The following RPGRIP1L variants were observed in gnomAD, a reference collection of about 807,000 sequenced individuals.
The protein encoded by RPGRIP1L is protein fantom.
Under a neutral mutation model 160.4 loss-of-function variants are expected in RPGRIP1L, and 131 were observed. That is an observed-to-expected ratio of 0.82 (90% CI 0.71 to 0.94). RPGRIP1L has a LOEUF of 0.94. Among genes scored for constraint, RPGRIP1L ranks in the 40% least tolerant of loss-of-function variants. The probability of loss-of-function intolerance (pLI) is 0.00; values close to 1 mark genes in which losing one functional copy is unlikely to be tolerated. For synonymous variants in RPGRIP1L, 510 were observed against 515.8 expected (o/e 0.99, Z 0.15); for missense variants, 1,522 against 1,535.8 (o/e 0.99, Z 0.15).
intron 22 of RPGRIP1L, chr16:53,628,211 A>T (rs1394044861): frequency 2.0e-5 from 3 of 152,060 alleles, no homozygotes; most frequent in Non-Finnish European, 1.5e-5. Flanking sequence ...TTTGTAACAA[A>T]ACAACAGAGA....
At chr16:53,613,096 T>G (rs1481485797) in intron 24 of RPGRIP1L, among the ~76,000 whole-genome samples, 1 of 152,208 alleles carries the variant, frequency 6.6e-6, no homozygotes, top group Non-Finnish European at 1.5e-5. Flanking sequence ...TCATTCCTTC[T>G]TAAGGCTGTA....
intron 17 of RPGRIP1L, among the ~76,000 whole-genome samples, chr16:53,643,306 TA>T (rs77427391): frequency 0.013 from 1,405 of 111,354 alleles, 6 homozygotes; most frequent in African/African-American, 0.015. Flanking sequence ...AGACTCCATC[TA>T]AAAAAAAAAA....
rs1424624795 is a variant in RPGRIP1L, at chr16:53,645,689, C to A, written c.2619G>T (p.Glu873Asp). 1 of 1,613,900 alleles carries A rather than the reference C, an allele frequency of 6.2e-7. No individual in the cohort carries two copies. The highest frequency in any genetic ancestry group is 8.5e-7 in the Non-Finnish European group (1 of 1,179,952). The change falls in exon 17 of 27, where the codon GAG becomes GAT. Residue 873 changes from glutamate to aspartate, a missense_variant. Physicochemically the swap from Glu to Asp is conservative, Grantham distance 45. Transcript: ENST00000647211. ...CATTGACTTTTCCTATGTAAATATT[C>A]TCCTGGGTATCACTATCATCAAAAA... ...FYVFDDSDTQ[E>D]NIYIGKVNVP... is the part of the protein sequence containing the mutation.
chr16:53,661,509 A>C (rs1338417897), intron 10 of RPGRIP1L, among the ~76,000 whole-genome samples: 1 of 152,158 alleles, frequency 6.6e-6, no homozygotes, highest in African/African-American at 2.4e-5. Flanking sequence ...TAGGTAACAA[A>C]AAGAAGGCAA....
At chr16:53,653,418 G>T in intron 14 of RPGRIP1L, 1 of 848,824 alleles carries the variant, frequency 1.2e-6, no homozygotes, top group South Asian at 4.7e-5. Context: ...GTGGGGTGAT[G>T]GATAAGTTTA....
chr16:53,677,093 T>C (rs969715193), intron 6 of RPGRIP1L, among the ~76,000 whole-genome samples: 18 of 152,188 alleles, frequency 1.2e-4, no homozygotes, highest in East Asian at 1.9e-4. Flanking sequence ...CCAGTAAGCA[T>C]ATGTCAAAAA....
intron 9 of RPGRIP1L, among the ~76,000 whole-genome samples, chr16:53,669,279 T>C (rs1314033367): frequency 6.6e-6 from 1 of 152,162 alleles, no homozygotes; most frequent in Non-Finnish European, 1.5e-5. Flanking sequence ...TTGACTATTA[T>C]GTGTGTTTGC....
chr16:53,671,224 T>C (rs1311774359), intron 9 of RPGRIP1L, among the ~76,000 whole-genome samples: 2 of 152,176 alleles, frequency 1.3e-5, no homozygotes, highest in African/African-American at 4.8e-5. Flanking sequence ...ATGTAGAGTA[T>C]CTAGCATGGT....
chr16:53,625,227 T>C (rs946967706), intron 22 of RPGRIP1L, among the ~76,000 whole-genome samples: 1 of 149,672 alleles, frequency 6.7e-6, no homozygotes, highest in African/African-American at 2.5e-5. Flanking sequence ...GGCCACCCAT[T>C]GTCTGGGAAG....
Position 53,697,276 on chromosome 16 carries a change from T to G in RPGRIP1L, c.86-981A>C, listed in dbSNP as rs537420985. Among the ~76,000 whole-genome samples, 135 of 151,392 alleles carry G rather than the reference T, an allele frequency of 8.9e-4. 1 individual carries two copies. In the South Asian group the frequency reaches 0.027, roughly 30 times the overall value. On this transcript the variant is annotated intron_variant, in intron 2 of 26. Transcript: ENST00000647211. ...GAACAGGAACATCACTGACAGAAAA[T>G]TCATATGATCATTAAACATATGAAA...
chr16:53,625,841 C>G (rs975193432), intron 22 of RPGRIP1L, among the ~76,000 whole-genome samples: 2 of 152,040 alleles, frequency 1.3e-5, no homozygotes, highest in African/African-American at 4.8e-5. Flanking sequence ...TATAACCTCA[C>G]CCCCAACCCC....
At chr16:53,621,789 G>A (rs1262582909) in intron 23 of RPGRIP1L, among the ~76,000 whole-genome samples, 1 of 151,862 alleles carries the variant, frequency 6.6e-6, no homozygotes, top group African/African-American at 2.4e-5. Context: ...TTGGGAGGCT[G>A]AGGTGGGCGG....
chr16:53,652,811 C>G lies in RPGRIP1L; in HGVS notation c.1876G>C (p.Asp626His). The change falls in exon 15 of 27, where the codon GAT becomes CAT. Residue 626 changes from aspartate (D) to histidine (H), a missense_variant. By Grantham distance (81) the Asp-to-His change is moderately conservative. Transcript: ENST00000647211. ...GTACAGAAAGTGACAGGCTCTTTATCTCCAGATGCCTGTAAAACTTCAGAA... is the reference window on the plus strand; with the variant it reads ...GTACAGAAAGTGACAGGCTCTTTATGTCCAGATGCCTGTAAAACTTCAGAA... The part of the protein sequence containing the change: ...FSSEVLQASG[D>H]KEPVTFCTYA... The G allele has an allele frequency of 1.2e-6, 2 of 1,613,912 alleles. No individual in the cohort carries two copies. The highest frequency in any genetic ancestry group is 1.7e-6 in the Non-Finnish European group (2 of 1,179,938).
intron 10 of RPGRIP1L, chr16:53,659,881 C>T (rs1348168813): frequency 6.6e-6 from 1 of 151,520 alleles, no homozygotes; most frequent in African/African-American, 2.4e-5. Flanking sequence ...CTCTGTCCCC[C>T]CAAAATAAAT....
chr16:53,700,784 T>C (rs996122807), intron 1 of RPGRIP1L, 54 bp from the exon 2 acceptor site: 9 of 1,353,828 alleles, frequency 6.6e-6, no homozygotes, highest in Admixed American at 1.8e-5. Flanking sequence ...ACATTAACTA[T>C]GCAATGGAAT....
chr16:53,624,410 G>A (rs988161556), intron 22 of RPGRIP1L, among the ~76,000 whole-genome samples: 9 of 151,858 alleles, frequency 5.9e-5, no homozygotes, highest in South Asian at 2.1e-4. Context: ...AAAATTAGCC[G>A]GGCGTGGTGG....
chr16:53,661,053 T>C (rs1343223967), intron 10 of RPGRIP1L, among the ~76,000 whole-genome samples: 1 of 151,872 alleles, frequency 6.6e-6, no homozygotes, highest in East Asian at 1.9e-4. Context: ...CCCAGCACTT[T>C]GGGAGGCAGA....
intron 19 of RPGRIP1L, 76 bp downstream of exon 19, chr16:53,640,957 G>T: frequency 1.0e-6 from 1 of 995,908 alleles, no homozygotes; most frequent in Non-Finnish European, 1.6e-6. Flanking sequence ...AAATCAGGTA[G>T]GGAATAATAT....
rs1038646959 is a variant in RPGRIP1L, at chr16:53,601,414, T to C, written c.*662A>G. The C allele has an allele frequency of 4.6e-5, 7 of 152,766 alleles. No homozygotes were observed. The highest frequency in any genetic ancestry group is 1.4e-4 in the African/African-American group (6 of 41,456). 9.5% of individuals were successfully genotyped at this position (152,766 alleles called of 1,614,324 possible). On this transcript the variant is annotated 3_prime_UTR_variant, in exon 27 of 27. Transcript: ENST00000647211. ...AAAATAATACAAATAGAATGAACTT[T>C]TAAGAAAGAAAGACAAAAAACTTGC...
Sources: gnomAD v4.1 joint callset for allele counts (sites outside exome capture counted in the v4.1 genomes callset) on GRCh38, gnomAD v4.1.1 for gene constraint, MANE v1.5 for transcripts, NCBI Gene and HGNC (gene_info 2026-07-23, HGNC 2026-07-21) for gene names.